Variants in LACTB2 observed in about 807,000 individuals in gnomAD.
The protein encoded by LACTB2 is endoribonuclease LACTB2.
In LACTB2, 32 loss-of-function variants were observed where a neutral mutation model predicts 34.8. The ratio of observed to expected loss-of-function variants is 0.92; its 90% CI spans 0.69 to 1.24. LACTB2 has a LOEUF of 1.24. Among genes scored for constraint, LACTB2 ranks in the 50% most tolerant of loss-of-function variants. LACTB2 has a pLI of 0.00. For synonymous variants in LACTB2, 120 were observed against 117.5 expected (o/e 1.02, Z -0.14); for missense variants, 320 against 345.0 (o/e 0.93, Z 0.57).
At chr8:70,668,875 G>T in intron 1 of LACTB2, 124 bp downstream of exon 1, 1 of 1,358,466 alleles carries the variant, frequency 7.4e-7, no homozygotes, top group South Asian at 1.4e-5. Context: ...GGGCTGCTAG[G>T]CGCGGGGCTG....
At chr8:70,660,371 T>C (rs1401745958) in intron 2 of LACTB2, 6 of 345,640 alleles carry the variant, frequency 1.7e-5, no homozygotes, top group Non-Finnish European at 3.4e-5. Context: ...TAAGTTCCTA[T>C]GGTACACAGT....
chr8:70,648,750 T>TG (rs1432742247), intron 3 of LACTB2, among the ~76,000 whole-genome samples: 9 of 152,172 alleles, frequency 5.9e-5, no homozygotes, highest in Non-Finnish European at 7.4e-5. Context: ...AGACTCGCTT[T>TG]GACTAAAACT....
chr8:70,668,019 T>C (rs926122733), intron 1 of LACTB2, among the ~76,000 whole-genome samples: 1 of 152,214 alleles, frequency 6.6e-6, no homozygotes, highest in Non-Finnish European at 1.5e-5. Context: ...GCCTAAACCT[T>C]TGGTAACTAC....
At chr8:70,657,652 A>G in intron 3 of LACTB2, 104 bp downstream of exon 3, 1 of 1,137,430 alleles carries the variant, frequency 8.8e-7, no homozygotes, top group Non-Finnish European at 1.2e-6. Flanking sequence ...GGCTCAAACG[A>G]TCTTCCCATC....
chr8:70,643,291 T>C (rs1481978816), intron 4 of LACTB2, among the ~76,000 whole-genome samples: 2 of 136,110 alleles, frequency 1.5e-5, no homozygotes, highest in East Asian at 4.8e-4. Flanking sequence ...TGGCGGATCT[T>C]GGCTCACTAC....
chr8:70,654,772 G>C (rs1171398937), intron 3 of LACTB2: 2 of 152,112 alleles, frequency 1.3e-5, no homozygotes, highest in African/African-American at 4.8e-5. Context: ...AATTTAACAT[G>C]GACATGCAAT....
At chr8:70,656,388 T>C (rs1046366822) in intron 3 of LACTB2, among the ~76,000 whole-genome samples, 6 of 152,212 alleles carry the variant, frequency 3.9e-5, no homozygotes, top group Admixed American at 3.3e-4. Context: ...TCCAGTTTCA[T>C]TCTCTGTATG....
At chr8:70,659,069 G>T (rs1015319185) in intron 2 of LACTB2, among the ~76,000 whole-genome samples, 1 of 152,232 alleles carries the variant, frequency 6.6e-6, no homozygotes, top group Admixed American at 6.5e-5. Context: ...TGACATATGT[G>T]TGACAACATA....
At chr8:70,668,861 G>C in intron 1 of LACTB2, 138 bp downstream of exon 1, 5 of 1,176,730 alleles carry the variant, frequency 4.2e-6, no homozygotes, top group Non-Finnish European at 5.8e-6. Flanking sequence ...GTGCAGTCCC[G>C]ACGGGGCTGC....
chr8:70,661,880 G>A lies in LACTB2; in HGVS notation c.140C>T (p.Thr47Ile). The A allele has an allele frequency of 6.2e-7, 1 of 1,608,146 alleles. No individual in the cohort carries two copies. The highest frequency in any genetic ancestry group is 8.5e-7 in the Non-Finnish European group (1 of 1,178,088). ...GTGPRRILID[T>I]GEPAIPEYIS... ...GTATTCTGGAATTGCTGGTTCTCCAGTGTCAATGAGGATTCTCCTGAAAAT... is the reference window on the plus strand; with the variant it reads ...GTATTCTGGAATTGCTGGTTCTCCAATGTCAATGAGGATTCTCCTGAAAAT... The change falls in exon 2 of 7, where the codon ACT (threonine) becomes ATT (isoleucine). Residue 47 changes from threonine to isoleucine, a missense_variant. By Grantham distance (89) the Thr-to-Ile change is moderately conservative. Coordinates refer to ENST00000276590, the MANE Select transcript of LACTB2 (RefSeq NM_016027.3).
chr8:70,659,245 A>AAATAG (rs1351600394), intron 2 of LACTB2, among the ~76,000 whole-genome samples: 23 of 152,250 alleles, frequency 1.5e-4, no homozygotes, highest in Admixed American at 5.2e-4. Flanking sequence ...TAAGATAATG[A>AAATAG]AATAGTGTTA....
chr8:70,655,641 A>G (rs918540780), intron 3 of LACTB2, among the ~76,000 whole-genome samples: 2 of 152,140 alleles, frequency 1.3e-5, no homozygotes, highest in African/African-American at 2.4e-5. Context: ...GCAATTGCAA[A>G]CTGTGCTGCT....
intron 1 of LACTB2, among the ~76,000 whole-genome samples, chr8:70,666,128 T>C (rs116111341): frequency 0.01 from 1,586 of 152,300 alleles, 25 homozygotes; most frequent in African/African-American, 0.036. Flanking sequence ...TGCTCATTCA[T>C]TCAGCAACTG....
intron 1 of LACTB2, 103 bp downstream of exon 1, chr8:70,668,896 G>C: frequency 4.0e-6 from 6 of 1,486,800 alleles, no homozygotes; most frequent in Non-Finnish European, 5.4e-6. Flanking sequence ...CCCAGCTAGG[G>C]ACAGGACGCG....
Position 70,638,571 on chromosome 8 carries a change from T to G in LACTB2, c.800A>C (p.Lys267Thr), listed in dbSNP as rs780410957. 2.4e-5 allele frequency: 37 copies of G among 1,521,606 alleles called. No homozygotes were observed. Among genetic ancestry groups the G allele is most frequent in the Non-Finnish European group, 3.3e-5 (37 of 1,135,540 alleles). The allele number at this position is 1,521,606 out of a possible 1,614,324, so 94.3% of individuals were successfully genotyped here. A position where few individuals can be genotyped will look rare whatever the true frequency, so the allele number is the denominator to read the frequency against. Residue 267 changes from lysine (K) to threonine (T), a missense_variant, in exon 6 of 7, where the codon AAA becomes ACA. Lys to Thr is a moderately conservative substitution (Grantham distance 78). Transcript: ENST00000276590. ...AKHNLLLHLK[K>T]LEKEGKIFSN... ...ACATATTTTTCCTTCTTTTTCTAGT[T>G]TTTTCAAATGAAGTAAGAGATTATG...
intron 3 of LACTB2, among the ~76,000 whole-genome samples, chr8:70,648,714 T>C (rs1340932483): frequency 6.6e-6 from 1 of 152,152 alleles, no homozygotes; most frequent in Non-Finnish European, 1.5e-5. Flanking sequence ...GTTTCAAGAC[T>C]GAAAAAGCCT....
intron 3 of LACTB2, among the ~76,000 whole-genome samples, chr8:70,657,290 TAAAG>T (rs975155125): frequency 6.6e-6 from 1 of 152,180 alleles, no homozygotes; most frequent in Non-Finnish European, 1.5e-5. Context: ...AACAATTTAA[TAAAG>T]AGTGAAGTCT....
chr8:70,644,049 T>C lies in LACTB2; in HGVS notation c.592+16A>G, dbSNP rs1342004761. On this transcript the variant is annotated intron_variant, in intron 4 of 6. Coordinates refer to ENST00000276590, the MANE Select transcript of LACTB2 (RefSeq NM_016027.3). ...TTAAAAACATAAAAATATAAAAAAATTTAAAAATTACCCACCTGGATATAT... is the reference window on the plus strand; with the variant it reads ...TTAAAAACATAAAAATATAAAAAAACTTAAAAATTACCCACCTGGATATAT... The C allele has an allele frequency of 1.3e-6, 2 of 1,491,508 alleles. No homozygotes were observed. The highest frequency in any genetic ancestry group is 2.8e-5 in the African/African-American group (2 of 70,384). The allele number at this position is 1,491,508 out of a possible 1,614,324, so 92.4% of individuals were successfully genotyped here.
chr8:70,656,035 CTTGT>C (rs1339629140), intron 3 of LACTB2, among the ~76,000 whole-genome samples: 2 of 151,848 alleles, frequency 1.3e-5, no homozygotes, highest in Non-Finnish European at 2.9e-5. Context: ...TTTTGATGGG[CTTGT>C]TTTTTTCTTA....
Sources: gnomAD v4.1 joint callset for allele counts (sites outside exome capture counted in the v4.1 genomes callset) on GRCh38, gnomAD v4.1.1 for gene constraint, MANE v1.5 for transcripts, NCBI Gene and HGNC (gene_info 2026-07-23, HGNC 2026-07-21) for gene names.